GRB2: variants seen among roughly 807,000 people sequenced by gnomAD.
GRB2 encodes the protein growth factor receptor bound protein 2.
Under a neutral mutation model 27.4 loss-of-function variants are expected in GRB2, and 2 were observed. That is an observed-to-expected ratio of 0.07 (90% CI 0.03 to 0.23). The LOEUF is 0.23. Among genes scored for constraint, GRB2 ranks in the 10% least tolerant of loss-of-function variants. The pLI is 1.00. For missense variants in GRB2, 102 were observed against 282.4 expected (o/e 0.36, Z 4.58); for synonymous variants, 94 against 99.6 (o/e 0.94, Z 0.33).
intron 2 of GRB2, among the ~76,000 whole-genome samples, chr17:75,377,597 G>GAC (rs2078902317): frequency 1.9e-5 from 1 of 53,190 alleles, no homozygotes; most frequent in African/African-American, 9.1e-5. Flanking sequence ...CCCTGTCTCA[G>GAC]AAAAAAAAAA....
chr17:75,377,123 T>C (rs1413716285), intron 2 of GRB2, among the ~76,000 whole-genome samples: 1 of 150,698 alleles, frequency 6.6e-6, no homozygotes, highest in Non-Finnish European at 1.5e-5. Flanking sequence ...GGCAACATAG[T>C]GACCCCCCGC....
Position 75,320,167 on chromosome 17 carries a change from T to C in GRB2, c.*201A>G, listed in dbSNP as rs762432790. The C allele has an allele frequency of 5.2e-5, 27 of 516,122 alleles. No homozygotes were observed. The highest frequency in any genetic ancestry group is 8.8e-5 in the Non-Finnish European group (25 of 284,510). The allele number at this position is 516,122 out of a possible 1,614,324, so 32.0% of individuals were successfully genotyped here. A position where few individuals can be genotyped will look rare whatever the true frequency, so the allele number is the denominator to read the frequency against. Reference sequence around the variant, plus strand: ...ATTTGTAATAAAAACTCTTCTTAATTTATAGGTAAGTTTTGGCATTTTTAA... The same window carrying C: ...ATTTGTAATAAAAACTCTTCTTAATCTATAGGTAAGTTTTGGCATTTTTAA... On this transcript the variant is annotated 3_prime_UTR_variant, in exon 6 of 6. Transcript: ENST00000316804. The surrounding 1 kb of genome is among the most constrained non-coding windows in gnomAD (Gnocchi z 4.3).
At chr17:75,399,715 A>G (rs1319568110) in intron 1 of GRB2, among the ~76,000 whole-genome samples, 2 of 150,196 alleles carry the variant, frequency 1.3e-5, no homozygotes, top group African/African-American at 4.9e-5. Flanking sequence ...TCTGTCGCCC[A>G]GGCTGGTGTA....
chr17:75,321,772 A>G lies in GRB2; in HGVS notation c.355T>C (p.Phe119Leu). The change falls in exon 5 of 6, where the codon TTC becomes CTC. Residue 119 changes from phenylalanine to leucine, a missense_variant. Phe to Leu is a conservative substitution (Grantham distance 22). Transcript: ENST00000316804. Reference protein sequence around the residue: ...KVLRDGAGKYFLWVVKFNSLN... With the variant: ...KVLRDGAGKYLLWVVKFNSLN... ...GAATTGAACTTCACCACCCAGAGGA[A>G]GTACTTCCCGGCTCCATCTCGGAGC... 1 of 1,614,150 alleles carries G rather than the reference A, an allele frequency of 6.2e-7. No individual in the cohort carries two copies. The highest frequency in any genetic ancestry group is 8.5e-7 in the Non-Finnish European group (1 of 1,180,006).
chr17:75,336,947 AGGCT>A (rs1168909074), intron 2 of GRB2, among the ~76,000 whole-genome samples: 1 of 152,208 alleles, frequency 6.6e-6, no homozygotes, highest in Non-Finnish European at 1.5e-5. Flanking sequence ...CATGTTGGCT[AGGCT>A]GGTCTCATAT....
intron 2 of GRB2, among the ~76,000 whole-genome samples, chr17:75,334,944 C>T (rs1434601840): frequency 1.3e-5 from 2 of 151,376 alleles, no homozygotes; most frequent in African/African-American, 4.9e-5. Flanking sequence ...TCTCAACTTC[C>T]TGGGTTCAAG....
At chr17:75,353,522 G>A (rs2078707490) in intron 2 of GRB2, among the ~76,000 whole-genome samples, 1 of 152,086 alleles carries the variant, frequency 6.6e-6, no homozygotes, top group Non-Finnish European at 1.5e-5. Flanking sequence ...CAGCACTTTG[G>A]GAGGCCAAGG....
chr17:75,332,636 A>G (rs2078548871), intron 3 of GRB2, 64 bp downstream of exon 3: 1 of 904,104 alleles, frequency 1.1e-6, no homozygotes, highest in Non-Finnish European at 1.8e-6. Context: ...TCTCAATTTT[A>G]AAAAGAGTGT....
intron 2 of GRB2, among the ~76,000 whole-genome samples, chr17:75,382,641 A>G (rs2078936362): frequency 6.6e-6 from 1 of 152,224 alleles, no homozygotes; most frequent in Non-Finnish European, 1.5e-5. Flanking sequence ...AACCAGACCA[A>G]GGTGGGCTAA....
chr17:75,360,404 TTAGAG>T (rs2078772127), intron 2 of GRB2, among the ~76,000 whole-genome samples: 1 of 152,188 alleles, frequency 6.6e-6, no homozygotes, highest in Non-Finnish European at 1.5e-5. Flanking sequence ...AGATGGGATT[TTAGAG>T]TATTTTCCAA....
At chr17:75,337,901 C>CTACTAT (rs1375563317) in intron 2 of GRB2, among the ~76,000 whole-genome samples, 29 of 117,374 alleles carry the variant, frequency 2.5e-4, no homozygotes, top group African/African-American at 3.3e-4. Flanking sequence ...ACTACTACTA[C>CTACTAT]TATTATTATT....
At chr17:75,363,920 G>C (rs1461720428) in intron 2 of GRB2, among the ~76,000 whole-genome samples, 1 of 140,312 alleles carries the variant, frequency 7.1e-6, no homozygotes, top group African/African-American at 2.7e-5. Flanking sequence ...CTCAAGGTTT[G>C]CTTTTTGATA....
intron 1 of GRB2, among the ~76,000 whole-genome samples, chr17:75,403,333 T>C (rs897664799): frequency 2.6e-4 from 39 of 152,006 alleles, no homozygotes; most frequent in Non-Finnish European, 8.8e-5. Context: ...TGTGTAACAA[T>C]TAGAACTCTG....
At chr17:75,382,989 G>A (rs536928923) in intron 2 of GRB2, among the ~76,000 whole-genome samples, 71 of 152,276 alleles carry the variant, frequency 4.7e-4, no homozygotes, top group African/African-American at 1.7e-3. Context: ...GATTACAGGC[G>A]TGAGCCACTG....
intron 2 of GRB2, among the ~76,000 whole-genome samples, chr17:75,377,437 A>G (rs562593253): frequency 6.6e-6 from 1 of 152,096 alleles, no homozygotes; most frequent in Admixed American, 6.6e-5. Flanking sequence ...CCTGGGCAAC[A>G]TGGCGGGATC....
At chr17:75,324,551 C>G (rs1346890293) in intron 4 of GRB2, among the ~76,000 whole-genome samples, 1 of 111,746 alleles carries the variant, frequency 8.9e-6, no homozygotes, top group Non-Finnish European at 1.7e-5. Context: ...CAGAGTTTTG[C>G]TCTTCGCCCA....
intron 2 of GRB2, among the ~76,000 whole-genome samples, chr17:75,357,799 T>C (rs1277752476): frequency 6.6e-6 from 1 of 152,180 alleles, no homozygotes; most frequent in Non-Finnish European, 1.5e-5. Flanking sequence ...CAGGCGCCTG[T>C]AATCCCAGCT....
intron 4 of GRB2, among the ~76,000 whole-genome samples, chr17:75,324,812 C>T (rs9913257): frequency 0.59 from 89,119 of 151,932 alleles, 31,302 homozygotes; most frequent in East Asian, 0.87. Flanking sequence ...GCAGTGGCTC[C>T]AGCCTGTAAT....
chr17:75,342,893 T>G (rs994060197), intron 2 of GRB2, among the ~76,000 whole-genome samples: 4 of 151,416 alleles, frequency 2.6e-5, no homozygotes, highest in South Asian at 2.1e-4. Context: ...TACAAAATAT[T>G]CAACAATTAG....
Sources: gnomAD v4.1 joint callset for allele counts (sites outside exome capture counted in the v4.1 genomes callset) on GRCh38, gnomAD v4.1.1 for gene constraint, Gnocchi (gnomAD v3.1) non-coding constraint, MANE v1.5 for transcripts, NCBI Gene and HGNC (gene_info 2026-07-23, HGNC 2026-07-21) for gene names.